Variants in PITRM1 observed in about 807,000 individuals in gnomAD.
PITRM1 encodes pitrilysin metallopeptidase 1.
A neutral mutation model predicts 129.9 loss-of-function variants in PITRM1; 100 were observed. That is an observed-to-expected ratio of 0.77 (90% CI 0.65 to 0.91). The LOEUF is 0.91. Ranked by LOEUF, PITRM1 falls within the 40% of genes least tolerant of loss-of-function variation. The pLI is 0.00. For missense variants in PITRM1, 1,471 were observed against 1,318.3 expected (o/e 1.12, Z -1.79); for synonymous variants, 591 against 508.8 (o/e 1.16, Z -2.17).
intron 13 of PITRM1, among the ~76,000 whole-genome samples, chr10:3,156,647 T>C (rs531284945): frequency 4.3e-4 from 66 of 152,346 alleles, no homozygotes; most frequent in African/African-American, 1.4e-3. Flanking sequence ...TTTTATATTC[T>C]TCTACTAATA....
chr10:3,164,182 C>T (rs115351022), intron 6 of PITRM1: 2,858 of 168,086 alleles, frequency 0.017, 99 homozygotes, highest in African/African-American at 0.065. Context: ...ATGGATCAGT[C>T]GGTCTGCCCA....
rs1840572215 is a variant in PITRM1, at chr10:3,144,092, C to G, written c.2532+200G>C. The G allele has an allele frequency of 6.7e-6, 4 of 596,364 alleles. No individual in the cohort carries two copies. The East Asian group carries it at 8.3e-5, about 12-fold the overall frequency. 36.9% of individuals were successfully genotyped at this position (596,364 alleles called of 1,614,324 possible). ...TCCTCGGCACAGGAGGACACACCCC[C>G]ACCAGGGCCTTCACTCAGTACTGTC... On this transcript the variant is annotated intron_variant, in intron 22 of 26. Transcript: ENST00000224949.
intron 15 of PITRM1, among the ~76,000 whole-genome samples, chr10:3,150,524 G>A (rs551801830): frequency 6.6e-6 from 1 of 152,124 alleles, no homozygotes; most frequent in Non-Finnish European, 1.5e-5. Context: ...TCCCATCCCC[G>A]TCCTCAAGGT....
chr10:3,141,541 C>A, intron 23 of PITRM1: 1 of 298,282 alleles, frequency 3.4e-6, no homozygotes. Flanking sequence ...AAGCACATTT[C>A]TAGGAACAGG....
chr10:3,148,087 A>C (rs1443251624), intron 17 of PITRM1, 24 bp from the exon 18 acceptor site: 2 of 1,613,692 alleles, frequency 1.2e-6, no homozygotes, highest in African/African-American at 2.7e-5. Context: ...AACACAGAAG[A>C]AAGGAATTAG....
At chr10:3,138,645 C>A (rs987997356) in intron 25 of PITRM1, 16 of 617,404 alleles carry the variant, frequency 2.6e-5, no homozygotes, top group Non-Finnish European at 4.6e-5. Flanking sequence ...CCACGTCCTC[C>A]TTCCACCCTA....
chr10:3,155,825 G>C (rs747396036), intron 13 of PITRM1, 96 bp from the exon 14 acceptor site: 1 of 1,393,100 alleles, frequency 7.2e-7, no homozygotes, highest in Non-Finnish European at 9.8e-7. Context: ...TCTTGGTCCT[G>C]TGGTTCCACT....
rs190434719 is a variant in PITRM1, at chr10:3,138,269, C to G, written c.2986G>C (p.Val996Leu). 1.4e-3 allele frequency: 2,335 copies of G among 1,613,870 alleles called. 4 individuals carry two copies. The highest frequency in any genetic ancestry group is 1.8e-3 in the Non-Finnish European group (2,174 of 1,179,770). The stretch of plus-strand genomic sequence containing the variant: ...ACGGCCAGGAGCTTGTCGTGGCTGA[C>G]AGCAAAGAGCTGCTCTCTGTGGGCC... ...KQAHREQLFA[V>L]SHDKLLAVSD... The change falls in exon 26 of 27, where the codon GTC (valine) becomes CTC (leucine). Residue 996 changes from valine to leucine, a missense_variant. By Grantham distance (32) the Val-to-Leu change is conservative. Transcript: ENST00000224949.
rs571809232 is a variant in PITRM1, at chr10:3,150,723, C to T, written c.1738+524G>A. ...ACAGACCACGTGACAAAAAGTACCA[C>T]GGAACAAAAGGTGCCATGGAATGAA... On this transcript the variant is annotated intron_variant, in intron 15 of 26. Transcript: ENST00000224949. Among the ~76,000 whole-genome samples the T allele has an allele frequency of 1.7e-4, 26 of 152,220 alleles. 3 individuals carry two copies. The highest frequency in any genetic ancestry group is 5.5e-4 in the African/African-American group (23 of 41,532).
intron 16 of PITRM1, chr10:3,149,242 T>C (rs1841252370): frequency 1.2e-5 from 2 of 173,028 alleles, no homozygotes; most frequent in South Asian, 2.9e-4. Flanking sequence ...CGACAGCAAC[T>C]GCAGGGTCGG....
Position 3,165,265 on chromosome 10 carries a change from G to A in PITRM1, c.603C>T (p.Val201=), listed in dbSNP as rs572634219. The part of the protein sequence containing the change: ...DPQTPLVFKG[V]VFNEMKGAFT... The stretch of plus-strand genomic sequence containing the variant: ...ACGCTCCCTTCATCTCATTAAAGAC[G>A]ACTCCTTTAAAGACCAAGGGCGTCT... Residue 201 remains valine, a synonymous_variant, in exon 6 of 27, where the codon GTC becomes GTT. Coordinates refer to ENST00000224949, the MANE Select transcript of PITRM1 (RefSeq NM_014889.4). The A allele has an allele frequency of 5.3e-5, 84 of 1,577,830 alleles. No homozygotes were observed. The South Asian group carries it at 8.9e-4, about 17-fold the overall frequency.
At chr10:3,172,628 G>A in intron 1 of PITRM1, 89 bp downstream of exon 1, 1 of 1,219,248 alleles carries the variant, frequency 8.2e-7, no homozygotes, top group South Asian at 1.6e-5. Flanking sequence ...CCCGGGCGCA[G>A]GGACGAGGAC....
chr10:3,144,032 T>C lies in PITRM1; in HGVS notation c.2532+260A>G, dbSNP rs887708111. The C allele has an allele frequency of 1.9e-5, 11 of 570,588 alleles. No individual in the cohort carries two copies. In the African/African-American group the frequency reaches 2.1e-4, roughly 11 times the overall value. The allele number at this position is 570,588 out of a possible 1,614,324, so 35.3% of individuals were successfully genotyped here. A position where few individuals can be genotyped will look rare whatever the true frequency, so the allele number is the denominator to read the frequency against. On this transcript the variant is annotated intron_variant, in intron 22 of 26. Transcript: ENST00000224949. ...CCACCCAGAGCAGTAGCCCTCTTCC[T>C]GGGCACAGGGAAGACGCACCCCATA...
chr10:3,150,072 T>C (rs1841351235), intron 15 of PITRM1, among the ~76,000 whole-genome samples: 1 of 149,064 alleles, frequency 6.7e-6, no homozygotes, highest in Non-Finnish European at 1.5e-5. Flanking sequence ...CCGAGACCCC[T>C]GGGCCCACAT....
rs191233887 is a variant in PITRM1, at chr10:3,149,583, C to G, written c.1871+38G>C. The G allele has an allele frequency of 9.1e-4, 1,380 of 1,510,040 alleles. 5 individuals carry two copies. Among genetic ancestry groups the G allele is most frequent in the Non-Finnish European group, 9.5e-4 (1,079 of 1,131,952 alleles). The allele number at this position is 1,510,040 out of a possible 1,614,324, so 93.5% of individuals were successfully genotyped here. ...AATACAGATATGCACACAAAGCAGA[C>G]ATTAATAAGACACACAAGGGTATGT... On this transcript the variant is annotated intron_variant, in intron 16 of 26. Coordinates refer to ENST00000224949, the MANE Select transcript of PITRM1 (RefSeq NM_014889.4).
chr10:3,156,684 T>C (rs1842008597), intron 13 of PITRM1, among the ~76,000 whole-genome samples: 1 of 148,332 alleles, frequency 6.7e-6, no homozygotes, highest in South Asian at 2.1e-4. Flanking sequence ...AGATGTTTTG[T>C]TCATACACAC....
At chr10:3,147,129 A>C (rs754792886) in intron 20 of PITRM1, 21 bp downstream of exon 20, 2 of 1,267,880 alleles carry the variant, frequency 1.6e-6, no homozygotes, top group Admixed American at 3.6e-5. Flanking sequence ...TAAAATATTT[A>C]GAAACAAATC....
intron 1 of PITRM1, chr10:3,172,329 C>T: frequency 4.0e-6 from 2 of 494,144 alleles, no homozygotes; most frequent in South Asian, 1.6e-5. Flanking sequence ...TAAGTATGGG[C>T]TGTGGGCGCC....
intron 7 of PITRM1, 32 bp downstream of exon 7, chr10:3,163,693 T>A: frequency 1.9e-6 from 3 of 1,564,072 alleles, no homozygotes; most frequent in Non-Finnish European, 2.6e-6. Flanking sequence ...CTTTTCACAA[T>A]CCACCATCAA....
Sources: allele counts gnomAD v4.1 joint callset (sites outside exome capture counted in the v4.1 genomes callset), GRCh38; gene constraint gnomAD v4.1.1; transcripts MANE v1.5; gene names NCBI Gene and HGNC (gene_info 2026-07-23, HGNC 2026-07-21).